The following EP400 variants were observed in gnomAD, a reference collection of about 807,000 sequenced individuals.
EP400 encodes the protein E1A binding protein p400, also known as E1A-binding protein p400.
EP400 carries 105 observed loss-of-function variants against 354.1 expected under a neutral mutation model. That is an observed-to-expected ratio of 0.30 (90% CI 0.25 to 0.35). The LOEUF is 0.35. Among genes scored for constraint, EP400 ranks in the 10% least tolerant of loss-of-function variants. EP400 has a pLI of 1.00. For synonymous variants in EP400, 1,646 were observed against 1,716.9 expected (o/e 0.96, Z 1.02); for missense variants, 3,280 against 4,121.0 (o/e 0.80, Z 5.59).
rs201987006 is a variant in EP400 at position 132,064,850 on chromosome 12, G to A, written c.8517G>A (p.Thr2839=). 5.8e-4 allele frequency: 932 copies of A among 1,611,268 alleles called. 8 individuals are homozygous for A. In the East Asian group the frequency reaches 0.016, roughly 28 times the overall value. The change falls in exon 48 of 53, where the codon ACG becomes ACA. Residue 2839 remains threonine (T), a synonymous_variant. Transcript: ENST00000389561. ...VTAPRPGALL[T]GTTVANLQVA... is the part of the protein sequence containing the mutation. ...CCCCAAGGCCTGGTGCCCTGCTGAC[G>A]GGCACCACCGTGGCCAACCTCCAGG...
rs138179572 is a variant in EP400, at chr12:132,050,333, A to G, written c.7211A>G (p.Asn2404Ser). 6.8e-6 allele frequency: 11 copies of G among 1,613,960 alleles called. No homozygotes were observed. Among genetic ancestry groups the G allele is most frequent in the African/African-American group, 6.7e-5 (5 of 74,886 alleles). ...IPREEGKSKN[N>S]RPLRTSQIYA... ...TCAATTTCATTGCAGAGTAAAAACAACCGTCCTCTCCGTACGAGCCAGATC... is the reference window on the plus strand; with the variant it reads ...TCAATTTCATTGCAGAGTAAAAACAGCCGTCCTCTCCGTACGAGCCAGATC... The change falls in exon 40 of 53, where the codon AAC becomes AGC. Residue 2404 changes from asparagine (N) to serine (S), a missense_variant. Coordinates refer to ENST00000389561, the MANE Select transcript of EP400 (RefSeq NM_015409.5). This position sits in a 1 kb window ranked among gnomAD's most constrained non-coding sequence, Gnocchi z 4.8.
In EP400 at chr12:132,070,296, A is replaced by AT. The variant is rs1896029755; in HGVS notation, c.9021+656dup. Reference sequence around the variant, plus strand: ...CTGGGAATTGGTTTTTGGGTCTGAGATAGAAACAGGAATTCAATTTGATGT... The same window carrying AT: ...CTGGGAATTGGTTTTTGGGTCTGAGATTAGAAACAGGAATTCAATTTGATGT... On this transcript the variant is annotated intron_variant, in intron 51 of 52. Coordinates refer to ENST00000389561, the MANE Select transcript of EP400 (RefSeq NM_015409.5). This position sits in a 1 kb window ranked among gnomAD's most constrained non-coding sequence, Gnocchi z 4.1. 6.6e-6 allele frequency among the ~76,000 whole-genome samples: 1 copy of AT among 152,218 alleles called. No individual in the cohort carries two copies. The highest frequency in any genetic ancestry group is 1.5e-5 in the Non-Finnish European group (1 of 68,040).
chr12:132,064,093 G>A (rs1372546038), intron 47 of EP400, among the ~76,000 whole-genome samples: 1 of 129,108 alleles, frequency 7.7e-6, no homozygotes, highest in Admixed American at 9.3e-5. Context: ...ATGACCCCCC[G>A]GCCTACAGCC....
At position 132,006,818 on chromosome 12, in the gene EP400, C is replaced by T. The variant is rs1893597549; in HGVS notation, c.3245C>T (p.Ala1082Val). The T allele has an allele frequency of 6.2e-7, 1 of 1,614,196 alleles. No individual in the cohort carries two copies. The highest frequency in any genetic ancestry group is 1.3e-5 in the African/African-American group (1 of 75,064). The stretch of plus-strand genomic sequence containing the variant: ...CTCAATGGCATATTGGCAGATGAAG[C>T]TGGGCTGGGTAAAACAGTGCAGATC... ...KNLNGILADE[A>V]GLGKTVQIIA... Residue 1082 changes from alanine to valine, a missense_variant, in exon 15 of 53, where the codon GCT becomes GTT. Physicochemically the swap from Ala to Val is moderately conservative, Grantham distance 64. This residue lies in a region of EP400 where 242 missense variants were observed against 357.9 expected (regional missense o/e 0.68). Coordinates refer to ENST00000389561, the MANE Select transcript of EP400 (RefSeq NM_015409.5).
chr12:132,033,792 A>C (rs1196129149), intron 30 of EP400, among the ~76,000 whole-genome samples: 1 of 152,218 alleles, frequency 6.6e-6, no homozygotes, highest in Non-Finnish European at 1.5e-5. Flanking sequence ...TCAGCCTCCC[A>C]AAATGCTGGG....
intron 29 of EP400, 34 bp downstream of exon 29, chr12:132,030,192 G>A: frequency 6.2e-7 from 1 of 1,610,958 alleles, no homozygotes; most frequent in East Asian, 2.2e-5. Flanking sequence ...GTCTCTGATG[G>A]GTCAGTCACT....
At chr12:131,950,999 A>G (rs552825387) in intron 1 of EP400, among the ~76,000 whole-genome samples, 1 of 151,674 alleles carries the variant, frequency 6.6e-6, no homozygotes, top group South Asian at 2.1e-4. Context: ...TCCCAGGTTC[A>G]AGCGATTCTC....
intron 12 of EP400, among the ~76,000 whole-genome samples, chr12:131,999,274 C>T (rs1247173131): frequency 6.6e-6 from 1 of 152,126 alleles, no homozygotes; most frequent in Non-Finnish European, 1.5e-5. Context: ...AAGCCTTGGC[C>T]TGACGTGTCC....
intron 13 of EP400, 62 bp downstream of exon 13, chr12:132,005,246 A>C (rs1893543159): frequency 8.2e-7 from 1 of 1,214,548 alleles, no homozygotes; most frequent in Non-Finnish European, 1.1e-6. Context: ...ACTTACAAAG[A>C]CTTAAAATAA....
rs1262708074 is a variant in EP400 at position 132,055,086 on chromosome 12, C to A, written c.7775-13C>A. The A allele has an allele frequency of 1.9e-6, 3 of 1,613,886 alleles. No homozygotes were observed. The Admixed American group carries it at 5.0e-5, about 27-fold the overall frequency. ...TCCTGGCGCTGTTGCCTTATGCCCGCCTGTCTCCGCAGGTGCCGTGAGTGG... is the reference window on the plus strand; with the variant it reads ...TCCTGGCGCTGTTGCCTTATGCCCGACTGTCTCCGCAGGTGCCGTGAGTGG... On this transcript the variant is annotated splice_polypyrimidine_tract_variant and intron_variant, in intron 44 of 52. Coordinates refer to ENST00000389561, the MANE Select transcript of EP400 (RefSeq NM_015409.5).
rs1410738460 is a variant in EP400, at chr12:132,027,397, C to T, written c.5015-40C>T. 1.2e-6 allele frequency: 2 copies of T among 1,602,670 alleles called. No homozygotes were observed. The highest frequency in any genetic ancestry group is 8.5e-7 in the Non-Finnish European group (1 of 1,169,958). ...CTGGTGTCAGATGAAATCCTGTGAA[C>T]TTGGCGTTCCTTTTCACCTCTTCCT... is the stretch of plus-strand genomic sequence containing the variant. On this transcript the variant is annotated intron_variant, in intron 25 of 52. Coordinates refer to ENST00000389561, the MANE Select transcript of EP400 (RefSeq NM_015409.5). The surrounding 1 kb of genome is among the most constrained non-coding windows in gnomAD (Gnocchi z 4.9).
chr12:132,040,521 A>G (rs552699505), intron 32 of EP400, among the ~76,000 whole-genome samples: 11 of 152,356 alleles, frequency 7.2e-5, no homozygotes, highest in African/African-American at 2.6e-4. Flanking sequence ...TCCCAGCAGC[A>G]TAGTATTTCA....
intron 30 of EP400, among the ~76,000 whole-genome samples, chr12:132,033,066 G>GT (rs1565923106): frequency 6.6e-6 from 1 of 152,118 alleles, no homozygotes; most frequent in African/African-American, 2.4e-5. Flanking sequence ...TTCCGCCTCA[G>GT]CCCCCCGAGG....
chr12:132,053,595 C>T lies in EP400; in HGVS notation c.7726C>T (p.Leu2576=), dbSNP rs535059927. The T allele has an allele frequency of 3.2e-6, 5 of 1,544,164 alleles. No individual in the cohort carries two copies. Among genetic ancestry groups the T allele is most frequent in the Non-Finnish European group, 4.3e-6 (5 of 1,149,534 alleles). Reference sequence around the variant, plus strand: ...CACGACGGGGGGCAGTGCAGCCGTACTGGTGAGCAGGGGCCTCCTCCCGGG... The same window carrying T: ...CACGACGGGGGGCAGTGCAGCCGTATTGGTGAGCAGGGGCCTCCTCCCGGG... ...AITTGGSAAV[L]AGTIKTSVTG... is the part of the protein sequence containing the mutation. Residue 2576 remains leucine, a splice_region_variant and synonymous_variant, in exon 43 of 53, where the codon CTG becomes TTG. Transcript: ENST00000389561.
At chr12:132,064,326 C>T (rs568302190) in intron 47 of EP400, among the ~76,000 whole-genome samples, 4 of 152,216 alleles carry the variant, frequency 2.6e-5, no homozygotes, top group African/African-American at 9.7e-5. Context: ...TATAGGTTTT[C>T]TTAAAAAATT....
intron 7 of EP400, 93 bp downstream of exon 7, chr12:131,987,983 CTTTTTTT>C (rs778740521): frequency 9.8e-4 from 262 of 268,440 alleles, no homozygotes; most frequent in Non-Finnish European, 1.2e-3. Flanking sequence ...TCCAGACCCA[CTTTTTTT>C]TTTTTTTTTT....
rs1181214347 is a variant in EP400 at position 131,972,937 on chromosome 12, G to A, written c.1336-6757G>A. Among the ~76,000 whole-genome samples, 16 of 151,500 alleles carry A rather than the reference G, an allele frequency of 1.1e-4. No homozygotes were observed. In the South Asian group the frequency reaches 2.9e-3, roughly 28 times the overall value. On this transcript the variant is annotated intron_variant, in intron 2 of 52. Coordinates refer to ENST00000389561, the MANE Select transcript of EP400 (RefSeq NM_015409.5). ...AGTAGAGGCGGGATTTTACCATGTCGGCCAGGCTGGTCTCGAACTCCTGAC... is the reference window on the plus strand; with the variant it reads ...AGTAGAGGCGGGATTTTACCATGTCAGCCAGGCTGGTCTCGAACTCCTGAC...
intron 30 of EP400, among the ~76,000 whole-genome samples, chr12:132,032,854 C>T (rs1387134392): frequency 6.6e-6 from 1 of 152,128 alleles, no homozygotes; most frequent in Non-Finnish European, 1.5e-5. Context: ...CGGTCTCGAA[C>T]TCCTGACCTC....
At chr12:131,958,726 G>A (rs1265002305) in intron 1 of EP400, among the ~76,000 whole-genome samples, 1 of 152,084 alleles carries the variant, frequency 6.6e-6, no homozygotes, top group Non-Finnish European at 1.5e-5. Flanking sequence ...TCACTATGTT[G>A]CCTAGGCTGG....
Sources: gnomAD v4.1 joint callset for allele counts (sites outside exome capture counted in the v4.1 genomes callset) on GRCh38, gnomAD v4.1.1 for gene constraint, gnomAD v4.1.1 regional missense constraint, Gnocchi (gnomAD v3.1) non-coding constraint, MANE v1.5 for transcripts, NCBI Gene and HGNC (gene_info 2026-07-23, HGNC 2026-07-21) for gene names.